The following DLG2 variants were observed in gnomAD, a reference collection of about 807,000 sequenced individuals.
The protein encoded by DLG2 is disks large homolog 2.
A neutral mutation model predicts 132.5 loss-of-function variants in DLG2; 45 were observed. The ratio of observed to expected loss-of-function variants is 0.34; its 90% CI spans 0.27 to 0.44. DLG2 has a LOEUF of 0.44. DLG2 is among the 20% of genes least tolerant of loss of function. The probability of loss-of-function intolerance (pLI) is 1.00; values close to 1 mark genes in which losing one functional copy is unlikely to be tolerated. For synonymous variants in DLG2, 424 were observed against 419.6 expected (o/e 1.01, Z -0.13); for missense variants, 1,045 against 1,196.9 (o/e 0.87, Z 1.87).
intron 6 of DLG2, among the ~76,000 whole-genome samples, chr11:84,555,390 A>G (rs2099409949): frequency 6.6e-6 from 1 of 152,234 alleles, no homozygotes; most frequent in South Asian, 2.1e-4. Flanking sequence ...GGTAGAAGCA[A>G]CCCAAATGTT....
At chr11:83,613,394 A>G (rs2060384785) in intron 19 of DLG2, among the ~76,000 whole-genome samples, 1 of 152,180 alleles carries the variant, frequency 6.6e-6, no homozygotes, top group Non-Finnish European at 1.5e-5. Context: ...TTTCAAAGGG[A>G]CCTCATGAAA....
At chr11:85,417,452 G>A (rs1193291365) in intron 3 of DLG2, among the ~76,000 whole-genome samples, 1 of 152,186 alleles carries the variant, frequency 6.6e-6, no homozygotes, top group African/African-American at 2.4e-5. Context: ...GATGATGCTG[G>A]CCTCATCAAA....
chr11:83,459,855 C>T lies in DLG2; in HGVS notation c.2891G>A (p.Gly964Glu). 3.7e-6 allele frequency: 6 copies of T among 1,611,728 alleles called. No homozygotes were observed. Among genetic ancestry groups the T allele is most frequent in the Non-Finnish European group, 5.1e-6 (6 of 1,177,940 alleles). Residue 964 changes from glycine (G) to glutamate (E), a missense_variant, in exon 28 of 28, where the codon GGG becomes GAG. This residue lies in a region of DLG2 where 398 missense variants were observed against 543.6 expected (regional missense o/e 0.73). Coordinates refer to ENST00000376104, the MANE Select transcript of DLG2 (RefSeq NM_001142699.3). Reference sequence around the variant, plus strand: ...CTTTGAGGGAATCCAGATGAAAGGCCCAGATTGCTCTTCAATAACAAGCTT... The same window carrying T: ...CTTTGAGGGAATCCAGATGAAAGGCTCAGATTGCTCTTCAATAACAAGCTT... ...QCKLVIEEQSGPFIWIPSKEK... is the reference protein window; with the variant it reads ...QCKLVIEEQSEPFIWIPSKEK...
chr11:85,523,742 A>G (rs1451215689), intron 3 of DLG2, among the ~76,000 whole-genome samples: 1 of 152,228 alleles, frequency 6.6e-6, no homozygotes, highest in Non-Finnish European at 1.5e-5. Context: ...CATACCCAAA[A>G]GAAAGAAAAT....
At chr11:84,364,099 G>C (rs2098667418) in intron 7 of DLG2, among the ~76,000 whole-genome samples, 1 of 151,988 alleles carries the variant, frequency 6.6e-6, no homozygotes, top group Admixed American at 6.6e-5. Flanking sequence ...ATTACCTTGG[G>C]CAGTATGGCA....
chr11:84,003,217 C>T (rs148228941), intron 11 of DLG2, among the ~76,000 whole-genome samples: 2,794 of 152,268 alleles, frequency 0.018, 81 homozygotes, highest in South Asian at 0.062. Context: ...TCACTATCAG[C>T]ATTTTGGTCA....
chr11:84,839,353 C>A (rs187973675), intron 6 of DLG2, among the ~76,000 whole-genome samples: 6 of 152,154 alleles, frequency 3.9e-5, no homozygotes, highest in South Asian at 4.1e-4. Flanking sequence ...AGGACACAAA[C>A]AAATGGAAGA....
At chr11:84,265,078 G>T (rs575718723) in intron 7 of DLG2, among the ~76,000 whole-genome samples, 4 of 152,216 alleles carry the variant, frequency 2.6e-5, no homozygotes, top group Non-Finnish European at 4.4e-5. Context: ...CCTCACTTCT[G>T]CAATGGTCTT....
chr11:84,478,426 T>C (rs777291362), intron 7 of DLG2, among the ~76,000 whole-genome samples: 6 of 152,156 alleles, frequency 3.9e-5, no homozygotes, highest in Non-Finnish European at 7.4e-5. Flanking sequence ...AATGTATCCA[T>C]CAATTTCATC....
In DLG2 at chr11:84,645,422, C is replaced by T. The variant is rs117748134; in HGVS notation, c.358-110691G>A. On this transcript the variant is annotated intron_variant, in intron 6 of 27. Coordinates refer to ENST00000376104, the MANE Select transcript of DLG2 (RefSeq NM_001142699.3). ...CTGAAAGTTTGGGAAAGGTTCTCATCGAACACAAGGATAAGCTATTAAGTG... is the reference window on the plus strand; with the variant it reads ...CTGAAAGTTTGGGAAAGGTTCTCATTGAACACAAGGATAAGCTATTAAGTG... 8.5e-5 allele frequency among the ~76,000 whole-genome samples: 13 copies of T among 152,168 alleles called. No homozygotes were observed. The East Asian group carries it at 1.5e-3, about 18-fold the overall frequency.
chr11:85,058,226 A>T (rs983769286), intron 6 of DLG2, among the ~76,000 whole-genome samples: 7 of 151,598 alleles, frequency 4.6e-5, no homozygotes, highest in African/African-American at 1.7e-4. Flanking sequence ...TCAATATATA[A>T]AAATCAATTG....
chr11:84,231,047 T>C (rs1360526918), intron 8 of DLG2, among the ~76,000 whole-genome samples: 8 of 152,190 alleles, frequency 5.3e-5, no homozygotes. Flanking sequence ...CACACTAGCG[T>C]CTCTCAGCTA....
intron 6 of DLG2, among the ~76,000 whole-genome samples, chr11:84,567,979 C>A (rs1245625484): frequency 6.6e-6 from 1 of 152,170 alleles, no homozygotes; most frequent in Non-Finnish European, 1.5e-5. Context: ...CTTCCTGGGC[C>A]CAGTTTCCAC....
At chr11:84,334,554 A>G (rs1487774886) in intron 7 of DLG2, among the ~76,000 whole-genome samples, 3 of 152,318 alleles carry the variant, frequency 2.0e-5, no homozygotes, top group Admixed American at 1.3e-4. Flanking sequence ...CAAAGTTGAA[A>G]CCTGTCTGTT....
At chr11:85,557,286 A>G (rs969133697) in intron 3 of DLG2, among the ~76,000 whole-genome samples, 3 of 151,876 alleles carry the variant, frequency 2.0e-5, no homozygotes, top group East Asian at 3.8e-4. Context: ...ACTACAAAAC[A>G]CTGCTGAAGA....
chr11:84,914,896 A>G (rs2092355884), intron 6 of DLG2, among the ~76,000 whole-genome samples: 1 of 152,210 alleles, frequency 6.6e-6, no homozygotes, highest in Non-Finnish European at 1.5e-5. Flanking sequence ...ACTCATCATA[A>G]ATACTAAACA....
intron 8 of DLG2, among the ~76,000 whole-genome samples, chr11:84,200,396 T>C (rs1452669245): frequency 6.6e-6 from 1 of 152,168 alleles, no homozygotes; most frequent in Non-Finnish European, 1.5e-5. Context: ...TTTTTGTATT[T>C]TTAGTAGAGA....
At chr11:83,776,063 GC>G (rs1182142311) in intron 18 of DLG2, among the ~76,000 whole-genome samples, 1 of 152,080 alleles carries the variant, frequency 6.6e-6, no homozygotes, top group African/African-American at 2.4e-5. Flanking sequence ...CTGCACTCCA[GC>G]CTGGGTGACA....
chr11:83,809,691 A>G (rs2046784077), intron 17 of DLG2, among the ~76,000 whole-genome samples: 1 of 152,152 alleles, frequency 6.6e-6, no homozygotes, highest in Admixed American at 6.6e-5. Flanking sequence ...TCTGCATTGT[A>G]ACCTCCATTT....
Sources: allele counts gnomAD v4.1 joint callset (sites outside exome capture counted in the v4.1 genomes callset), GRCh38; gene constraint gnomAD v4.1.1; regional missense constraint gnomAD v4.1.1; transcripts MANE v1.5; gene names NCBI Gene and HGNC (gene_info 2026-07-23, HGNC 2026-07-21).